The following AGMAT variants were observed in gnomAD, a reference collection of about 807,000 sequenced individuals.
The protein encoded by AGMAT is guanidino acid hydrolase, mitochondrial.
AGMAT carries 37 observed loss-of-function variants against 29.3 expected under a neutral mutation model. The observed-to-expected ratio is 1.26, with a 90% CI of 0.97 to 1.66. The LOEUF is 1.66. Ranked by LOEUF, AGMAT falls within the 40% of genes most tolerant of loss-of-function variation. The pLI, the probability that AGMAT is intolerant of heterozygous loss-of-function variation, is 0.00. For missense variants in AGMAT, 498 were observed against 497.8 expected, an observed-to-expected ratio of 1.00 and a Z score of 0.00; for synonymous variants, 199 against 200.8, an observed-to-expected ratio of 0.99 and a Z score of 0.08.
At chr1:15,580,201 CTTTT>C (rs34166013) in intron 2 of AGMAT, 59 bp from the exon 3 acceptor site, 2,523 of 564,756 alleles carry the variant, frequency 4.5e-3, no homozygotes, top group East Asian at 0.01. Flanking sequence ...ATAGAATAAT[CTTTT>C]TTTTTTTTTT....
chr1:15,574,905 G>T, intron 5 of AGMAT, 64 bp from the exon 6 acceptor site: 1 of 1,371,612 alleles, frequency 7.3e-7, no homozygotes, highest in Non-Finnish European at 1.0e-6. Context: ...GCACCCAGTA[G>T]AGCTTTTCCC....
chr1:15,584,707 C>G lies in AGMAT; in HGVS notation c.261G>C (p.Arg87=), dbSNP rs371837235. 3.0e-6 allele frequency: 4 copies of G among 1,331,174 alleles called. No individual in the cohort carries two copies. The highest frequency in any genetic ancestry group is 3.9e-6 in the Non-Finnish European group (4 of 1,035,330). The allele number at this position is 1,331,174 out of a possible 1,614,324, so 82.5% of individuals were successfully genotyped here. ...CCTTCCGGCCTTACCTCGCCCCAGG[C>G]CGGTTGGAGGTCCCAGTATCCAGGG... ...GVPLDTGTSN[R]PGARFGPRRI... The change falls in exon 1 of 7, where the codon CGG becomes CGC. Residue 87 remains arginine (R), a synonymous_variant. Transcript: ENST00000375826.
chr1:15,583,316 A>C lies in AGMAT; in HGVS notation c.352T>G (p.Ser118Ala). ...TCGCCTAGGTCTGCAACCATGAGGGACTGGAAGGGGAGGGCCCCCGTGCTA... is the reference window on the plus strand; with the variant it reads ...TCGCCTAGGTCTGCAACCATGAGGGCCTGGAAGGGGAGGGCCCCCGTGCTA... The part of the protein sequence containing the change: ...NPSTGALPFQ[S>A]LMVADLGDVN... Residue 118 changes from serine (S) to alanine (A), a missense_variant, in exon 2 of 7, where the codon TCC (serine) becomes GCC (alanine). Ser to Ala is a moderately conservative substitution (Grantham distance 99). Coordinates refer to ENST00000375826, the MANE Select transcript of AGMAT (RefSeq NM_024758.5). 3 of 1,614,130 alleles carry C rather than the reference A, an allele frequency of 1.9e-6. No individual in the cohort carries two copies. Among genetic ancestry groups the C allele is most frequent in the Non-Finnish European group, 2.5e-6 (3 of 1,180,018 alleles).
chr1:15,583,345 T>C lies in AGMAT; in HGVS notation c.323A>G (p.Asn108Ser), dbSNP rs763295321. ...GAAGGGGAGGGCCCCCGTGCTAGGA[T>C]TGACTGTCCCAAGCATCACTGATTC... ...REESVMLGTV[N>S]PSTGALPFQS... is the part of the protein sequence containing the mutation. The change falls in exon 2 of 7, where the codon AAT becomes AGT. Residue 108 changes from asparagine to serine, a missense_variant. Physicochemically the swap from Asn to Ser is conservative, Grantham distance 46. Coordinates refer to ENST00000375826, the MANE Select transcript of AGMAT (RefSeq NM_024758.5). 3.8e-5 allele frequency: 62 copies of C among 1,614,124 alleles called. No homozygotes were observed. In the South Asian group the frequency reaches 4.7e-4, roughly 12 times the overall value.
chr1:15,581,845 ACT>A (rs1469092356), intron 2 of AGMAT, among the ~76,000 whole-genome samples: 3 of 150,886 alleles, frequency 2.0e-5, no homozygotes, highest in Non-Finnish European at 4.4e-5. Flanking sequence ...CAAGAGCAAA[ACT>A]CTGTCTCAAA....
intron 6 of AGMAT, 65 bp downstream of exon 6, chr1:15,574,692 T>C (rs1639006823): frequency 2.1e-6 from 3 of 1,439,238 alleles, no homozygotes; most frequent in South Asian, 1.1e-5. Flanking sequence ...TTTCTACTTA[T>C]TAACTAGCTT....
intron 3 of AGMAT, among the ~76,000 whole-genome samples, chr1:15,579,343 C>T (rs1557596951): frequency 1.3e-5 from 2 of 152,112 alleles, no homozygotes; most frequent in African/African-American, 2.4e-5. Flanking sequence ...GGTGGTGGCA[C>T]AGGGGAGCTT....
At chr1:15,582,594 G>C (rs1639130379) in intron 2 of AGMAT, among the ~76,000 whole-genome samples, 1 of 152,204 alleles carries the variant, frequency 6.6e-6, no homozygotes, top group Non-Finnish European at 1.5e-5. Context: ...GAAAAAGTGA[G>C]AGTGGGTCAG....
chr1:15,577,695 G>A lies in AGMAT; in HGVS notation c.890C>T (p.Thr297Ile), dbSNP rs754883011. The A allele has an allele frequency of 1.2e-6, 2 of 1,613,602 alleles. No homozygotes were observed. ...GTGGAATCTCCTTACCTGACTAGGA[G>A]TGAGACCAGCAATTTCAGGTGTCCC... ...GTGTPEIAGL[T>I]PSQALEIIRG... The change falls in exon 5 of 7, where the codon ACT becomes ATT. Residue 297 changes from threonine (T) to isoleucine (I), a missense_variant. Physicochemically the swap from Thr to Ile is moderately conservative, Grantham distance 89. Coordinates refer to ENST00000375826, the MANE Select transcript of AGMAT (RefSeq NM_024758.5).
At chr1:15,576,740 CTTTTTTTTTT>C (rs59203066) in intron 5 of AGMAT, among the ~76,000 whole-genome samples, 7 of 35,800 alleles carry the variant, frequency 2.0e-4, no homozygotes, top group East Asian at 3.9e-3. Flanking sequence ...GTTTAGTGTT[CTTTTTTTTTT>C]TTTTTTTTTT....
intron 2 of AGMAT, among the ~76,000 whole-genome samples, chr1:15,580,992 T>TA (rs537446270): frequency 1.3e-5 from 2 of 149,690 alleles, no homozygotes; most frequent in South Asian, 2.1e-4. Flanking sequence ...TAAAATAAAA[T>TA]AAATAAATAA....
At chr1:15,580,882 G>A (rs1639104926) in intron 2 of AGMAT, among the ~76,000 whole-genome samples, 2 of 151,444 alleles carry the variant, frequency 1.3e-5, no homozygotes. Flanking sequence ...GGCTGAGGCA[G>A]GAGAATCACT....
chr1:15,584,792 A>C lies in AGMAT; in HGVS notation c.176T>G (p.Met59Arg). The C allele has an allele frequency of 7.2e-7, 1 of 1,391,292 alleles. No homozygotes were observed. The highest frequency in any genetic ancestry group is 9.3e-7 in the Non-Finnish European group (1 of 1,074,052). The allele number at this position is 1,391,292 out of a possible 1,614,324, so 86.2% of individuals were successfully genotyped here. A position where few individuals can be genotyped will look rare whatever the true frequency, so the allele number is the denominator to read the frequency against. ...FVARPVGVCS[M>R]MRLPVQTSPE... ...GGAGGTCTGCACCGGCAGGCGCATC[A>C]TGGAGCAGACGCCCACCGGCCGGGC... The change falls in exon 1 of 7, where the codon ATG becomes AGG. Residue 59 changes from methionine to arginine, a missense_variant. Physicochemically the swap from Met to Arg is moderately conservative, Grantham distance 91. Transcript: ENST00000375826.
intron 2 of AGMAT, among the ~76,000 whole-genome samples, chr1:15,581,326 G>T (rs1001043178): frequency 6.6e-6 from 1 of 152,168 alleles, no homozygotes; most frequent in African/African-American, 2.4e-5. Flanking sequence ...TCCAGCCTGG[G>T]TGACAGAGTG....
chr1:15,580,037 C>T, intron 3 of AGMAT, 57 bp downstream of exon 3: 1 of 1,525,570 alleles, frequency 6.6e-7, no homozygotes, highest in Non-Finnish European at 9.1e-7. Flanking sequence ...GCAAATAACT[C>T]ATTCCCTAGC....
intron 2 of AGMAT, among the ~76,000 whole-genome samples, chr1:15,581,015 T>C (rs967807759): frequency 6.6e-6 from 1 of 151,762 alleles, no homozygotes; most frequent in African/African-American, 2.4e-5. Flanking sequence ...AGCTTGAGCC[T>C]AGAAGTTTGA....
At position 15,578,887 on chromosome 1, in the gene AGMAT, A is replaced by G. The variant is rs768576941; in HGVS notation, c.692T>C (p.Leu231Ser). 4 of 1,614,102 alleles carry G rather than the reference A, an allele frequency of 2.5e-6. No individual in the cohort carries two copies. The highest frequency in any genetic ancestry group is 1.1e-5 in the South Asian group (1 of 91,084). Residue 231 changes from leucine to serine, a missense_variant, in exon 4 of 7, where the codon TTG (leucine) becomes TCG (serine). By Grantham distance (145) the Leu-to-Ser change is moderately radical. Transcript: ENST00000375826. Reference sequence around the variant, plus strand: ...GCTCCGGTTGTATCTGTAGGGATCCAAGGTCGTGGAAGAGCCCCGGATGCC... The same window carrying G: ...GCTCCGGTTGTATCTGTAGGGATCCGAGGTCGTGGAAGAGCCCCGGATGCC... The part of the protein sequence containing the change: ...QIGIRGSSTT[L>S]DPYRYNRSQG...
At position 15,579,093 on chromosome 1, in the gene AGMAT, G is replaced by A. The variant is rs369608694; in HGVS notation, c.525-39C>T. On this transcript the variant is annotated intron_variant, in intron 3 of 6. Transcript: ENST00000375826. ...GGCAGCTCAGAGGCCAACCCTCCCT[G>A]TGGGGCCCTAGCACAGCCACCCTTC... The A allele has an allele frequency of 3.6e-5, 58 of 1,595,944 alleles. 1 individual carries two copies. In the African/African-American group the frequency reaches 4.4e-4, roughly 12 times the overall value.
chr1:15,578,855 T>C lies in AGMAT; in HGVS notation c.720+4A>G, dbSNP rs747368129. The C allele has an allele frequency of 6.8e-6, 11 of 1,612,612 alleles. No individual in the cohort carries two copies. The highest frequency in any genetic ancestry group is 1.6e-4 in the Middle Eastern group (1 of 6,078). ...GCAAGGGTGGGGGGCATTCGGTCTG[T>C]CACCTGGCTCCGGTTGTATCTGTAG... On this transcript the variant is annotated splice_donor_region_variant and intron_variant, in intron 4 of 6. Transcript: ENST00000375826.
Sources: allele counts gnomAD v4.1 joint callset (sites outside exome capture counted in the v4.1 genomes callset), GRCh38; gene constraint gnomAD v4.1.1; transcripts MANE v1.5; gene names NCBI Gene and HGNC (gene_info 2026-07-23, HGNC 2026-07-21).